The following HMBOX1 variants were observed in gnomAD, a reference collection of about 807,000 sequenced individuals.
The protein encoded by HMBOX1 is homeobox containing 1, also known as homeobox-containing protein 1.
HMBOX1 carries 14 observed loss-of-function variants against 54.5 expected under a neutral mutation model. The observed-to-expected ratio is 0.26, with a 90% CI of 0.17 to 0.40. The LOEUF (loss-of-function observed/expected upper bound fraction) is 0.40. Among genes scored for constraint, HMBOX1 ranks in the 10% least tolerant of loss-of-function variants. The pLI, the probability that HMBOX1 is intolerant of heterozygous loss-of-function variation, is 1.00. For synonymous variants in HMBOX1, 160 were observed against 181.0 expected, an observed-to-expected ratio of 0.88 and a Z score of 0.93; for missense variants, 332 against 514.4, an observed-to-expected ratio of 0.65 and a Z score of 3.43.
At chr8:28,910,311 C>T (rs1049395812) in intron 1 of HMBOX1, among the ~76,000 whole-genome samples, 4 of 152,124 alleles carry the variant, frequency 2.6e-5, no homozygotes, top group Non-Finnish European at 4.4e-5. Context: ...TGTTTGTCCA[C>T]CAGCTGATGG....
At chr8:28,969,973 C>A in intron 2 of HMBOX1, 70 bp from the exon 3 acceptor site, 3 of 921,906 alleles carry the variant, frequency 3.3e-6, no homozygotes, top group Non-Finnish European at 5.1e-6. Flanking sequence ...ATCTTCTGAG[C>A]ATTCTGTATA....
chr8:29,049,093 G>C (rs1173416957), intron 9 of HMBOX1, 45 bp downstream of exon 9: 1 of 1,565,128 alleles, frequency 6.4e-7, no homozygotes, highest in Non-Finnish European at 8.8e-7. Context: ...GCCTGAGCAG[G>C]GGGTATAGTG....
At chr8:29,021,910 A>C (rs1026799663) in intron 6 of HMBOX1, among the ~76,000 whole-genome samples, 1 of 152,124 alleles carries the variant, frequency 6.6e-6, no homozygotes, top group African/African-American at 2.4e-5. Flanking sequence ...AGAAATTCAA[A>C]TTAAAACTAC....
At chr8:29,032,591 A>G (rs978367334) in intron 6 of HMBOX1, among the ~76,000 whole-genome samples, 2 of 152,208 alleles carry the variant, frequency 1.3e-5, no homozygotes, top group Admixed American at 6.5e-5. Context: ...AATTTGGGCA[A>G]TATCTTTGCC....
intron 5 of HMBOX1, among the ~76,000 whole-genome samples, chr8:29,013,115 C>G (rs746954000): frequency 6.6e-5 from 10 of 152,126 alleles, no homozygotes; most frequent in Admixed American, 1.3e-4. Flanking sequence ...GAGCATTTCT[C>G]TTTGTATACT....
chr8:29,045,775 T>C (rs531835151), intron 7 of HMBOX1, among the ~76,000 whole-genome samples: 20 of 152,254 alleles, frequency 1.3e-4, no homozygotes, highest in Non-Finnish European at 2.1e-4. Context: ...GTTAAAGTTT[T>C]AAATATTTAA....
chr8:29,038,463 T>C (rs1804276069), intron 6 of HMBOX1, among the ~76,000 whole-genome samples: 1 of 152,208 alleles, frequency 6.6e-6, no homozygotes, highest in Non-Finnish European at 1.5e-5. Flanking sequence ...TTATATGGAC[T>C]AGAAGTATGT....
intron 2 of HMBOX1, among the ~76,000 whole-genome samples, chr8:28,967,832 G>A (rs1010609747): frequency 5.9e-5 from 9 of 152,210 alleles, no homozygotes; most frequent in Non-Finnish European, 1.2e-4. Flanking sequence ...TGTTACAAGT[G>A]AGTATTGGAA....
chr8:28,959,958 T>TC (rs756862870), intron 1 of HMBOX1, among the ~76,000 whole-genome samples: 1 of 151,972 alleles, frequency 6.6e-6, no homozygotes, highest in Non-Finnish European at 1.5e-5. Flanking sequence ...AGGGTTTTTT[T>TC]CCCCCAATAC....
At chr8:28,904,330 C>T (rs1813832978) in intron 1 of HMBOX1, among the ~76,000 whole-genome samples, 1 of 151,574 alleles carries the variant, frequency 6.6e-6, no homozygotes, top group African/African-American at 2.4e-5. Flanking sequence ...TCACTGCAAC[C>T]TCCGCCTCGC....
rs1294559937 is a variant in HMBOX1, at chr8:28,970,417, C to T, written c.398C>T (p.Ser133Leu). 6.2e-7 allele frequency: 1 copy of T among 1,614,164 alleles called. No homozygotes were observed. Among genetic ancestry groups the T allele is most frequent in the South Asian group, 1.1e-5 (1 of 91,078 alleles). Residue 133 changes from serine (S) to leucine (L), a missense_variant, in exon 3 of 10, where the codon TCA becomes TTA. Ser to Leu is a moderately radical substitution (Grantham distance 145). Coordinates refer to ENST00000287701, the MANE Select transcript of HMBOX1 (RefSeq NM_001135726.3). The surrounding 1 kb of genome is among the most constrained non-coding windows in gnomAD (Gnocchi z 4.3). ...TTATCTACATCCAATGGAAAGATGT[C>T]ACCAACTCGCTACCATGCAAACAGC... ...ERLSTSNGKM[S>L]PTRYHANSMG...
chr8:28,949,803 A>C (rs1377921143), intron 1 of HMBOX1: 1 of 152,148 alleles, frequency 6.6e-6, no homozygotes, highest in East Asian at 1.9e-4. Flanking sequence ...TAACAGAAAT[A>C]TATGTGTGGT....
rs141593518 is a variant in HMBOX1 at position 28,937,339 on chromosome 8, G to A, written c.-57-26472G>A. On this transcript the variant is annotated intron_variant, in intron 1 of 9. Transcript: ENST00000287701. Reference sequence around the variant, plus strand: ...CCCTAAAGGAAAATTATTCTTATGTGTACAACATTATTATCTCATAAGAGT... The same window carrying A: ...CCCTAAAGGAAAATTATTCTTATGTATACAACATTATTATCTCATAAGAGT... Among the ~76,000 whole-genome samples the A allele has an allele frequency of 2.8e-4, 42 of 152,136 alleles. 1 individual carries two copies. The East Asian group carries it at 7.1e-3, about 26-fold the overall frequency.
intron 6 of HMBOX1, among the ~76,000 whole-genome samples, chr8:29,034,597 C>CT (rs1332294594): frequency 6.6e-6 from 1 of 152,192 alleles, no homozygotes; most frequent in East Asian, 1.9e-4. Flanking sequence ...GTGGCTCACA[C>CT]CTGTATCCAG....
chr8:28,938,645 G>A (rs1014404467), intron 1 of HMBOX1, among the ~76,000 whole-genome samples: 6 of 150,624 alleles, frequency 4.0e-5, no homozygotes, highest in African/African-American at 9.8e-5. Flanking sequence ...ACAGGGTCTC[G>A]CTATGTTGCT....
At chr8:29,005,116 A>G (rs1393847451) in intron 4 of HMBOX1, among the ~76,000 whole-genome samples, 1 of 152,226 alleles carries the variant, frequency 6.6e-6, no homozygotes, top group Non-Finnish European at 1.5e-5. Context: ...ATTCTATAAC[A>G]CCATCTTCTT....
chr8:29,036,876 A>T (rs980260594), intron 6 of HMBOX1, among the ~76,000 whole-genome samples: 3 of 152,208 alleles, frequency 2.0e-5, no homozygotes, highest in Non-Finnish European at 4.4e-5. Flanking sequence ...AAAATAAAGA[A>T]GCTTTCAGCT....
chr8:28,896,790 A>G (rs1812197891), intron 1 of HMBOX1, among the ~76,000 whole-genome samples: 1 of 152,182 alleles, frequency 6.6e-6, no homozygotes, highest in Non-Finnish European at 1.5e-5. Context: ...TTCGCTCAAC[A>G]ATGAAATTGC....
chr8:28,972,284 C>A (rs1465016600), intron 3 of HMBOX1, among the ~76,000 whole-genome samples: 1 of 152,136 alleles, frequency 6.6e-6, no homozygotes, highest in African/African-American at 2.4e-5. Flanking sequence ...GCGATCTCGG[C>A]TCACTGCAAC....
Sources: gnomAD v4.1 joint callset for allele counts (sites outside exome capture counted in the v4.1 genomes callset) on GRCh38, gnomAD v4.1.1 for gene constraint, Gnocchi (gnomAD v3.1) non-coding constraint, MANE v1.5 for transcripts, NCBI Gene and HGNC (gene_info 2026-07-23, HGNC 2026-07-21) for gene names.